INTS2: variants seen among roughly 807,000 people sequenced by gnomAD.
The protein encoded by INTS2 is KIAA1287.
Under a neutral mutation model 139.6 loss-of-function variants are expected in INTS2, and 57 were observed. The observed-to-expected ratio is 0.41, with a 90% CI of 0.33 to 0.51. The LOEUF (loss-of-function observed/expected upper bound fraction) is 0.51. INTS2 is among the 20% of genes least tolerant of loss of function. INTS2 has a pLI of 0.28. For missense variants in INTS2, 1,196 were observed against 1,436.7 expected, an observed-to-expected ratio of 0.83 and a Z score of 2.71; for synonymous variants, 473 against 493.4, an observed-to-expected ratio of 0.96 and a Z score of 0.55.
chr17:61,914,958 C>A (rs1028822747), intron 5 of INTS2, among the ~76,000 whole-genome samples: 6 of 151,838 alleles, frequency 4.0e-5, no homozygotes, highest in African/African-American at 1.5e-4. Flanking sequence ...AATCCCAGCA[C>A]TTTGGAAGGC....
intron 12 of INTS2, chr17:61,894,127 CAGT>C: frequency 3.2e-6 from 1 of 309,044 alleles, no homozygotes; most frequent in Non-Finnish European, 5.8e-6. Flanking sequence ...GATACATACA[CAGT>C]GGTGTGATAA....
Position 61,893,236 on chromosome 17 carries a change from T to C in INTS2, c.1698+529A>G, listed in dbSNP as rs115166106. Among the ~76,000 whole-genome samples, 497 of 152,190 alleles carry C rather than the reference T, an allele frequency of 3.3e-3. 2 individuals are homozygous for C. Among genetic ancestry groups the C allele is most frequent in the African/African-American group, 0.011 (451 of 41,526 alleles). ...CTTACATTGTTTTAAAAATCTGAAA[T>C]TACTGTATAATTATATAATTATAAT... is the stretch of plus-strand genomic sequence containing the variant. On this transcript the variant is annotated intron_variant, in intron 13 of 24. Coordinates refer to ENST00000251334, the MANE Select transcript of INTS2 (RefSeq NM_001351695.2). This position sits in a 1 kb window ranked among gnomAD's most constrained non-coding sequence, Gnocchi z 5.4.
At chr17:61,907,295 G>A in intron 8 of INTS2, 113 bp downstream of exon 8, 1 of 800,132 alleles carries the variant, frequency 1.2e-6, no homozygotes, top group Non-Finnish European at 2.0e-6. Context: ...CCCACTACCT[G>A]AGTCCAACAG....
intron 9 of INTS2, among the ~76,000 whole-genome samples, chr17:61,903,264 C>CCAGCT (rs1192720365): frequency 6.7e-6 from 1 of 150,248 alleles, no homozygotes; most frequent in Non-Finnish European, 1.5e-5. Flanking sequence ...CTATGTTGCC[C>CCAGCT]CAGCTGGCCT....
At chr17:61,904,935 T>G (rs1319877634) in intron 8 of INTS2, among the ~76,000 whole-genome samples, 1 of 149,756 alleles carries the variant, frequency 6.7e-6, no homozygotes, top group Non-Finnish European at 1.5e-5. Context: ...CTCTGTTGAT[T>G]ATAATGCATA....
chr17:61,923,535 G>C (rs373402174), intron 3 of INTS2, among the ~76,000 whole-genome samples: 2 of 146,350 alleles, frequency 1.4e-5, no homozygotes, highest in East Asian at 2.0e-4. Context: ...CTCTCTACCA[G>C]TATTTTCTAT....
intron 8 of INTS2, among the ~76,000 whole-genome samples, chr17:61,905,038 C>T (rs1427510649): frequency 6.6e-6 from 1 of 151,108 alleles, no homozygotes; most frequent in Admixed American, 6.6e-5. Flanking sequence ...CTTTGACCTT[C>T]CAGGCTCAGG....
chr17:61,904,394 A>G (rs1351929888), intron 9 of INTS2, 66 bp downstream of exon 9: 2 of 1,137,126 alleles, frequency 1.8e-6, no homozygotes, highest in Non-Finnish European at 2.6e-6. Context: ...ATCTAATGCT[A>G]TACAATTTTA....
intron 16 of INTS2, among the ~76,000 whole-genome samples, chr17:61,881,717 G>C (rs978627788): frequency 2.0e-5 from 3 of 152,182 alleles, no homozygotes; most frequent in Admixed American, 1.3e-4. Flanking sequence ...TGGAGGCCTA[G>C]GAATGTGCAC....
chr17:61,885,504 T>A (rs2079218532), intron 15 of INTS2, among the ~76,000 whole-genome samples: 1 of 151,690 alleles, frequency 6.6e-6, no homozygotes, highest in Non-Finnish European at 1.5e-5. Context: ...AACCTCCGCT[T>A]CCCGGGTTCA....
At chr17:61,883,568 T>C (rs2079196923) in intron 16 of INTS2, among the ~76,000 whole-genome samples, 1 of 151,850 alleles carries the variant, frequency 6.6e-6, no homozygotes, top group South Asian at 2.1e-4. Context: ...CTGGCCAACA[T>C]GGCGAAATGA....
chr17:61,867,539 GTTGTTTTAAATT>G lies in INTS2; in HGVS notation c.*6_*17del, dbSNP rs571706283. ...GGGTATATGCAGCAAACAACTTTTTGTTGTTTTAAATTTTGTTTTAAATTCCACTAACACTCA... is the reference window on the plus strand; with the variant it reads ...GGGTATATGCAGCAAACAACTTTTTGTTGTTTTAAATTCCACTAACACTCA... On this transcript the variant is annotated 3_prime_UTR_variant, in exon 25 of 25. Coordinates refer to ENST00000251334, the MANE Select transcript of INTS2 (RefSeq NM_001351695.2). This position sits in a 1 kb window ranked among gnomAD's most constrained non-coding sequence, Gnocchi z 5.6. 194 of 1,551,962 alleles carry G rather than the reference GTTGTTTTAAATT, an allele frequency of 1.3e-4. No individual in the cohort carries two copies. The African/African-American group carries it at 2.2e-3, about 18-fold the overall frequency.
rs2079079974 is a variant in INTS2 at position 61,870,435 on chromosome 17, T to C, written c.2779-447A>G. Among the ~76,000 whole-genome samples the C allele has an allele frequency of 1.3e-5, 2 of 152,164 alleles. No individual in the cohort carries two copies. The highest frequency in any genetic ancestry group is 4.1e-4 in the South Asian group (2 of 4,824). On this transcript the variant is annotated intron_variant, in intron 20 of 24. Coordinates refer to ENST00000251334, the MANE Select transcript of INTS2 (RefSeq NM_001351695.2). This position sits in a 1 kb window ranked among gnomAD's most constrained non-coding sequence, Gnocchi z 4.4. ...CCAGTATGCTATCCTGATTTCCCTT[T>C]TTTTCAACCTGTTTAAGGCTCTGGT...
At chr17:61,898,086 C>A (rs2079367473) in intron 9 of INTS2, among the ~76,000 whole-genome samples, 1 of 152,098 alleles carries the variant, frequency 6.6e-6, no homozygotes, top group Admixed American at 6.6e-5. Context: ...ATATTTATTT[C>A]ATATAGAAAA....
rs139528270 is a variant in INTS2 at position 61,911,142 on chromosome 17, G to A, written c.954+378C>T. 2,098 of 244,346 alleles carry A rather than the reference G, an allele frequency of 8.6e-3. 14 individuals carry two copies. Among genetic ancestry groups the A allele is most frequent in the Non-Finnish European group, 0.012 (1,549 of 129,354 alleles). 15.1% of individuals were successfully genotyped at this position (244,346 alleles called of 1,614,324 possible). On this transcript the variant is annotated intron_variant, in intron 7 of 24. Transcript: ENST00000251334. ...ATGTTGCCCAGGCTAAAGTACAGTC[G>A]CTATTCACAGGCACAATTATCACAC... is the stretch of plus-strand genomic sequence containing the variant.
chr17:61,901,638 A>T (rs1173034002), intron 9 of INTS2, among the ~76,000 whole-genome samples: 5 of 116,080 alleles, frequency 4.3e-5, no homozygotes, highest in African/African-American at 1.7e-4. Context: ...CCCGCTCTGT[A>T]GCCCAGGCTG....
At position 61,875,044 on chromosome 17, in the gene INTS2, A is replaced by T. The variant is rs886849543; in HGVS notation, c.2457-6T>A. On this transcript the variant is annotated splice_polypyrimidine_tract_variant and splice_region_variant and intron_variant, in intron 18 of 24. Coordinates refer to ENST00000251334, the MANE Select transcript of INTS2 (RefSeq NM_001351695.2). The surrounding 1 kb of genome is among the most constrained non-coding windows in gnomAD (Gnocchi z 4.6). ...TAACCGTCATTACCCATAGCCTGAT[A>T]AGAAAATAATCACATGTTCAAAACA... 1 of 1,576,900 alleles carries T rather than the reference A, an allele frequency of 6.3e-7. No individual in the cohort carries two copies. The highest frequency in any genetic ancestry group is 1.4e-5 in the African/African-American group (1 of 74,024).
Position 61,867,639 on chromosome 17 carries a change from C to T in INTS2, c.3509G>A (p.Ser1170Asn). ...SYKNGSRDTG[S>N]MDPDVQLCHC... ...ACAGAGCTGTACATCAGGATCCATG[C>T]TTCCAGTGTCCCTGGATCCATTTTT... is the stretch of plus-strand genomic sequence containing the variant. The change falls in exon 25 of 25, where the codon AGC becomes AAC. Residue 1170 changes from serine to asparagine, a missense_variant. Ser to Asn is a conservative substitution (Grantham distance 46, BLOSUM62 1). This residue lies in a region of INTS2 where 1,129 missense variants were observed against 1,341.9 expected (regional missense o/e 0.84). Transcript: ENST00000251334. The surrounding 1 kb of genome is among the most constrained non-coding windows in gnomAD (Gnocchi z 5.6). The T allele has an allele frequency of 1.2e-6, 2 of 1,608,430 alleles. No homozygotes were observed. The highest frequency in any genetic ancestry group is 2.2e-5 in the South Asian group (2 of 90,892).
chr17:61,869,918 T>C lies in INTS2; in HGVS notation c.2849A>G (p.Asn950Ser). Residue 950 changes from asparagine to serine, a missense_variant, in exon 21 of 25, where the codon AAT becomes AGT. Asn to Ser is a conservative substitution (Grantham distance 46). Coordinates refer to ENST00000251334, the MANE Select transcript of INTS2 (RefSeq NM_001351695.2). The surrounding 1 kb of genome is among the most constrained non-coding windows in gnomAD (Gnocchi z 5.4). ...AACATTTCTTAACAAGCTATCTGGA[T>C]TGACACCATTTGCTTTCTCCTCTTC... is the stretch of plus-strand genomic sequence containing the variant. ...PTEEEKANGVNPDSLLRNVQS... is the reference protein window; with the variant it reads ...PTEEEKANGVSPDSLLRNVQS... The C allele has an allele frequency of 1.9e-6, 3 of 1,613,872 alleles. No individual in the cohort carries two copies. Among genetic ancestry groups the C allele is most frequent in the South Asian group, 1.1e-5 (1 of 91,072 alleles).
Sources: allele counts gnomAD v4.1 joint callset (sites outside exome capture counted in the v4.1 genomes callset), GRCh38; gene constraint gnomAD v4.1.1; regional missense constraint gnomAD v4.1.1; non-coding constraint Gnocchi (gnomAD v3.1); transcripts MANE v1.5; gene names NCBI Gene and HGNC (gene_info 2026-07-23, HGNC 2026-07-21).